Variants in CFAP95 observed in about 807,000 individuals in gnomAD.
The protein encoded by CFAP95 is cilia and flagella associated protein 95, also known as cilia- and flagella-associated protein 95.
the CFAP95 span, among the ~76,000 whole-genome samples, chr9:69,843,176 C>A: frequency 6.6e-6 from 1 of 152,056 alleles, no homozygotes; most frequent in South Asian, 2.1e-4. Context: ...ATCCCCCACA[C>A]CTACCAAAGT....
the CFAP95 span, among the ~76,000 whole-genome samples, chr9:69,868,249 T>C: frequency 7.0e-6 from 1 of 143,710 alleles, no homozygotes; most frequent in Non-Finnish European, 1.5e-5. Context: ...GAAAACCTTC[T>C]TGACATTGGT....
At chr9:69,825,770 A>G in the CFAP95 span, among the ~76,000 whole-genome samples, 22 of 152,308 alleles carry the variant, frequency 1.4e-4, no homozygotes, top group Non-Finnish European at 2.2e-4. Context: ...GCTAATTCTT[A>G]TATTCATTCA....
At chr9:69,849,898 TACCTGG>T in the CFAP95 span, among the ~76,000 whole-genome samples, 3 of 152,216 alleles carry the variant, frequency 2.0e-5, no homozygotes, top group Non-Finnish European at 2.9e-5. Context: ...TATAGTCTTT[TACCTGG>T]ACTTTATTCA....
chr9:69,892,735 G>T, the CFAP95 span, among the ~76,000 whole-genome samples: 1 of 152,174 alleles, frequency 6.6e-6, no homozygotes, highest in Non-Finnish European at 1.5e-5. Context: ...GAGCAGCAGA[G>T]AAGGAGAGAA....
At chr9:69,848,626 G>A in the CFAP95 span, among the ~76,000 whole-genome samples, 14 of 152,082 alleles carry the variant, frequency 9.2e-5, no homozygotes, top group Non-Finnish European at 1.5e-4. Context: ...CACATCCTTG[G>A]CATCAGTCCC....
the CFAP95 span, among the ~76,000 whole-genome samples, chr9:69,840,279 C>T: frequency 2.0e-5 from 3 of 151,992 alleles, no homozygotes; most frequent in Non-Finnish European, 2.9e-5. Context: ...GAGAATGAGG[C>T]TATATGAAAT....
the CFAP95 span, among the ~76,000 whole-genome samples, chr9:69,889,895 G>GTA: frequency 2.0e-5 from 3 of 152,106 alleles, no homozygotes; most frequent in Non-Finnish European, 4.4e-5. Context: ...AAAGTTGCAT[G>GTA]TATATTTTAT....
chr9:69,872,574 G>C, the CFAP95 span, among the ~76,000 whole-genome samples: 1 of 152,136 alleles, frequency 6.6e-6, no homozygotes, highest in African/African-American at 2.4e-5. Context: ...AAAGCTGCTA[G>C]GGTTCTTAAC....
the CFAP95 span, among the ~76,000 whole-genome samples, chr9:69,831,840 A>G: frequency 3.3e-5 from 5 of 152,274 alleles, no homozygotes; most frequent in East Asian, 7.7e-4. Flanking sequence ...AATGACTGGT[A>G]TCTTGTGATG....
the CFAP95 span, among the ~76,000 whole-genome samples, chr9:69,824,500 C>T: frequency 1.3e-5 from 2 of 152,054 alleles, no homozygotes; most frequent in African/African-American, 4.8e-5. Flanking sequence ...CAACGCTCTG[C>T]CTTTTTGTTT....
chr9:69,822,725 C>T, the CFAP95 span, among the ~76,000 whole-genome samples: 79 of 152,142 alleles, frequency 5.2e-4, no homozygotes, highest in African/African-American at 1.8e-3. Context: ...CACAGAAGAA[C>T]ACAAATGAGA....
chr9:69,852,816 TGTAATA>T, the CFAP95 span, among the ~76,000 whole-genome samples: 1 of 152,184 alleles, frequency 6.6e-6, no homozygotes, highest in Admixed American at 6.5e-5. Context: ...ATGCTGTTCT[TGTAATA>T]GTGCATAAGT....
At chr9:69,858,964 A>G in the CFAP95 span, among the ~76,000 whole-genome samples, 5 of 152,216 alleles carry the variant, frequency 3.3e-5, no homozygotes, top group African/African-American at 1.2e-4. Flanking sequence ...ATAAGCATGA[A>G]CAAATTCTAA....
the CFAP95 span, among the ~76,000 whole-genome samples, chr9:69,859,520 G>C: frequency 6.6e-6 from 1 of 152,050 alleles, no homozygotes; most frequent in South Asian, 2.1e-4. Flanking sequence ...TTCCACGCTA[G>C]AGACATTTTC....
chr9:69,881,593 A>G, the CFAP95 span, among the ~76,000 whole-genome samples: 1 of 152,212 alleles, frequency 6.6e-6, no homozygotes, highest in Non-Finnish European at 1.5e-5. Flanking sequence ...GAAGTCAAAT[A>G]ATGTGACTCT....
At chr9:69,886,227 G>A in the CFAP95 span, among the ~76,000 whole-genome samples, 1 of 152,086 alleles carries the variant, frequency 6.6e-6, no homozygotes, top group African/African-American at 2.4e-5. Context: ...GATGGCTCTA[G>A]AGTGCAAGAG....
At chr9:69,831,260 A>C in the CFAP95 span, among the ~76,000 whole-genome samples, 1 of 152,166 alleles carries the variant, frequency 6.6e-6, no homozygotes, top group Non-Finnish European at 1.5e-5. Context: ...TTTTATAGAC[A>C]GTGATAGGAT....
chr9:69,866,646 A>G, the CFAP95 span, among the ~76,000 whole-genome samples: 1 of 152,208 alleles, frequency 6.6e-6, no homozygotes, highest in Non-Finnish European at 1.5e-5. Context: ...TCTATTTTGG[A>G]TTAGCAAAAG....
At chr9:69,860,004 A>C in the CFAP95 span, among the ~76,000 whole-genome samples, 9 of 152,218 alleles carry the variant, frequency 5.9e-5, no homozygotes, top group African/African-American at 2.2e-4. Flanking sequence ...CAAGACTGGA[A>C]GTTGCTCTGG....
Sources: allele counts gnomAD v4.1 joint callset (sites outside exome capture counted in the v4.1 genomes callset), GRCh38; gene constraint gnomAD v4.1.1; transcripts MANE v1.5; gene names NCBI Gene and HGNC (gene_info 2026-07-23, HGNC 2026-07-21).